Variants in TRAF3IP2 observed in about 807,000 individuals in gnomAD.
The protein encoded by TRAF3IP2 is E3 ubiquitin ligase TRAF3IP2.
In TRAF3IP2, 35 loss-of-function variants were observed where a neutral mutation model predicts 57.9. That is an observed-to-expected ratio of 0.60 (90% confidence interval 0.46 to 0.80). TRAF3IP2 has a LOEUF of 0.80. Among genes scored for constraint, TRAF3IP2 ranks in the 30% least tolerant of loss-of-function variants. TRAF3IP2 has a pLI of 0.00. For missense variants in TRAF3IP2, 556 were observed against 706.4 expected (o/e 0.79, Z 2.41); for synonymous variants, 251 against 268.9 (o/e 0.93, Z 0.65).
At chr6:111,572,208 A>C (rs1373400009) in intron 5 of TRAF3IP2, among the ~76,000 whole-genome samples, 1 of 152,142 alleles carries the variant, frequency 6.6e-6, no homozygotes, top group African/African-American at 2.4e-5. Context: ...AAAAATTTAC[A>C]TGGCTTTAAG....
chr6:111,600,639 T>G (rs1357841829), intron 1 of TRAF3IP2: 1 of 152,274 alleles, frequency 6.6e-6, no homozygotes, highest in Non-Finnish European at 1.5e-5. Flanking sequence ...TTTTTATTTT[T>G]ATTTTTTTTA....
chr6:111,572,416 G>A (rs1367540067), intron 5 of TRAF3IP2, among the ~76,000 whole-genome samples: 4 of 152,186 alleles, frequency 2.6e-5, no homozygotes, highest in East Asian at 1.9e-4. Context: ...GCAGCTGTGC[G>A]CAATGGGGGA....
At chr6:111,575,325 A>C (rs942712382) in intron 4 of TRAF3IP2, among the ~76,000 whole-genome samples, 1 of 152,160 alleles carries the variant, frequency 6.6e-6, no homozygotes, top group African/African-American at 2.4e-5. Context: ...GCGGTGGCTC[A>C]CATCTGTAAT....
At chr6:111,575,862 A>G (rs1795970680) in intron 3 of TRAF3IP2, 41 bp from the exon 4 acceptor site, 1 of 1,583,588 alleles carries the variant, frequency 6.3e-7, no homozygotes, top group Non-Finnish European at 8.6e-7. Context: ...CATTCTTTAC[A>G]AAGGCAAACC....
intron 2 of TRAF3IP2, among the ~76,000 whole-genome samples, chr6:111,586,613 C>T (rs1045641682): frequency 2.0e-5 from 3 of 152,066 alleles, no homozygotes; most frequent in Admixed American, 6.6e-5. Flanking sequence ...ATGCCATTTG[C>T]ATGGTGATCA....
chr6:111,575,900 A>G (rs1316045219), intron 3 of TRAF3IP2, 79 bp from the exon 4 acceptor site: 2 of 1,376,566 alleles, frequency 1.5e-6, no homozygotes, highest in Non-Finnish European at 1.0e-6. Context: ...TTTTAGAACT[A>G]TGGGAAGATC....
intron 5 of TRAF3IP2, among the ~76,000 whole-genome samples, chr6:111,569,380 C>T (rs145873905): frequency 9.9e-5 from 15 of 152,122 alleles, no homozygotes; most frequent in Non-Finnish European, 1.9e-4. Flanking sequence ...TGACTTCCTA[C>T]GGTGGTTGTG....
At position 111,558,546 on chromosome 6, in the gene TRAF3IP2, C is replaced by CTT. The variant is rs1400282526; in HGVS notation, c.*858_*859insAA. On this transcript the variant is annotated 3_prime_UTR_variant, in exon 9 of 9. Coordinates refer to ENST00000368761, the MANE Select transcript of TRAF3IP2 (RefSeq NM_147686.4). ...CTCCCGGGTTCAAGTGATTCTCCTG[C>CTT]CTCAGCCTCCCGAGTAGCTGGGATT... 6.6e-6 allele frequency: 1 copy of CTT among 152,270 alleles called. No homozygotes were observed. Among genetic ancestry groups the CTT allele is most frequent in the Admixed American group, 6.5e-5 (1 of 15,288 alleles). 9.4% of individuals were successfully genotyped at this position (152,270 alleles called of 1,614,324 possible). A position where few individuals can be genotyped will look rare whatever the true frequency, so the allele number is the denominator to read the frequency against.
chr6:111,594,509 A>T (rs1025770243), intron 1 of TRAF3IP2: 6 of 453,748 alleles, frequency 1.3e-5, no homozygotes, highest in African/African-American at 1.0e-4. Context: ...CTACTCTTCT[A>T]GCTGAGGAGC....
At chr6:111,567,819 A>G (rs1367837987) in intron 5 of TRAF3IP2, 127 bp from the exon 6 acceptor site, 1 of 624,766 alleles carries the variant, frequency 1.6e-6, no homozygotes, top group South Asian at 3.7e-5. Context: ...TGCAAGAAGG[A>G]GCACATAGGT....
chr6:111,567,058 G>A (rs890629111), intron 6 of TRAF3IP2: 2 of 424,504 alleles, frequency 4.7e-6, no homozygotes, highest in Middle Eastern at 1.1e-3. Context: ...ACCCCAGCCT[G>A]CTGAGACTCC....
chr6:111,580,606 G>A (rs565852556), intron 2 of TRAF3IP2, among the ~76,000 whole-genome samples: 5 of 152,134 alleles, frequency 3.3e-5, no homozygotes, highest in South Asian at 4.2e-4. Context: ...AAACATCTGC[G>A]AAATCACCAG....
chr6:111,582,652 C>CA (rs1796203453), intron 2 of TRAF3IP2, among the ~76,000 whole-genome samples: 1 of 152,090 alleles, frequency 6.6e-6, no homozygotes, highest in Admixed American at 6.5e-5. Flanking sequence ...TAAAAAATAG[C>CA]AAAAAATGCC....
intron 8 of TRAF3IP2, among the ~76,000 whole-genome samples, chr6:111,562,142 C>T (rs1795467769): frequency 6.6e-6 from 1 of 152,214 alleles, no homozygotes; most frequent in Non-Finnish European, 1.5e-5. Context: ...TGGAATGTGG[C>T]CTCAGGTGGT....
At chr6:111,599,094 G>A (rs958278003) in intron 1 of TRAF3IP2, among the ~76,000 whole-genome samples, 10 of 137,774 alleles carry the variant, frequency 7.3e-5, no homozygotes, top group Non-Finnish European at 1.4e-4. Context: ...TTTTTGTAGC[G>A]ACAGAGTCTC....
chr6:111,573,148 G>A (rs1795882724), intron 4 of TRAF3IP2, among the ~76,000 whole-genome samples, 165 bp from the exon 5 acceptor site: 1 of 152,160 alleles, frequency 6.6e-6, no homozygotes, highest in African/African-American at 2.4e-5. Context: ...TGTCCTCAGG[G>A]CACAGCTCCT....
rs571693499 is a variant in TRAF3IP2 at position 111,594,112 on chromosome 6, C to T, written c.-8-2018G>A. On this transcript the variant is annotated intron_variant, in intron 1 of 8. Transcript: ENST00000368761. ...CGCCACTGCATTCCAGCCTCAGCGA[C>T]AAGAGCGAGACTCCATCTCCAAAAA... 1.5e-3 allele frequency among the ~76,000 whole-genome samples: 189 copies of T among 125,358 alleles called. 2 individuals carry two copies. Among genetic ancestry groups the T allele is most frequent in the African/African-American group, 5.2e-3 (182 of 35,192 alleles). 82.2% of individuals were successfully genotyped at this position (125,358 alleles called of 152,430 possible). A position where few individuals can be genotyped will look rare whatever the true frequency, so the allele number is the denominator to read the frequency against.
intron 3 of TRAF3IP2, 71 bp from the exon 4 acceptor site, chr6:111,575,892 T>A (rs1304430735): frequency 6.9e-7 from 1 of 1,451,406 alleles, no homozygotes; most frequent in African/African-American, 1.4e-5. Context: ...AGAAAGACTT[T>A]TAGAACTATG....
intron 1 of TRAF3IP2, among the ~76,000 whole-genome samples, chr6:111,598,640 G>A (rs1006027446): frequency 2.6e-5 from 4 of 152,200 alleles, no homozygotes; most frequent in African/African-American, 9.6e-5. Context: ...TCTCAAATGA[G>A]GAACAGTGGT....
Sources: allele counts gnomAD v4.1 joint callset (sites outside exome capture counted in the v4.1 genomes callset), GRCh38; gene constraint gnomAD v4.1.1; transcripts MANE v1.5; gene names NCBI Gene and HGNC (gene_info 2026-07-23, HGNC 2026-07-21).